Variants in MYSM1 observed in about 807,000 individuals in gnomAD.
MYSM1 encodes deubiquitinase MYSM1.
A neutral mutation model predicts 116.0 loss-of-function variants in MYSM1; 51 were observed. That is an observed-to-expected ratio of 0.44 (90% CI 0.35 to 0.56). The LOEUF (loss-of-function observed/expected upper bound fraction) is 0.56, where lower values mean the gene tolerates loss of function less well. Among genes scored for constraint, MYSM1 ranks in the 20% least tolerant of loss-of-function variants. The pLI is 0.00. For synonymous variants in MYSM1, 313 were observed against 315.2 expected (o/e 0.99, Z 0.07); for missense variants, 900 against 974.9 (o/e 0.92, Z 1.02).
chr1:58,696,250 C>T (rs539438507), intron 1 of MYSM1, among the ~76,000 whole-genome samples: 1 of 152,300 alleles, frequency 6.6e-6, no homozygotes, highest in South Asian at 2.1e-4. Flanking sequence ...GCCAAGAGTT[C>T]AGAAAATAGA....
At chr1:58,683,814 A>G (rs1644783919) in intron 7 of MYSM1, among the ~76,000 whole-genome samples, 2 of 152,136 alleles carry the variant, frequency 1.3e-5, no homozygotes, top group African/African-American at 2.4e-5. Context: ...AACAGCTTTT[A>G]ACATCCCTGC....
intron 7 of MYSM1, 87 bp downstream of exon 7, chr1:58,685,066 A>T: frequency 9.2e-7 from 1 of 1,081,790 alleles, no homozygotes; most frequent in Non-Finnish European, 1.3e-6. Flanking sequence ...TACCAGTAAG[A>T]CTTTAATGCC....
intron 1 of MYSM1, among the ~76,000 whole-genome samples, chr1:58,696,184 A>G (rs150087108): frequency 1.1e-4 from 16 of 152,326 alleles, no homozygotes; most frequent in African/African-American, 3.8e-4. Context: ...AGGGTAAATA[A>G]AGGATTCTGA....
chr1:58,693,590 T>A (rs1048450724), intron 2 of MYSM1, among the ~76,000 whole-genome samples: 2 of 152,198 alleles, frequency 1.3e-5, no homozygotes, highest in Non-Finnish European at 2.9e-5. Flanking sequence ...TCTTTCCTTT[T>A]CCTTTGATGC....
In MYSM1 at chr1:58,657,787, C is replaced by T. The variant is rs1417962588; in HGVS notation, c.*2210G>A. 6.6e-6 allele frequency: 1 copy of T among 151,988 alleles called. No homozygotes were observed. Among genetic ancestry groups the T allele is most frequent in the African/African-American group, 2.4e-5 (1 of 41,374 alleles). 9.4% of individuals were successfully genotyped at this position (151,988 alleles called of 1,614,324 possible). The stretch of plus-strand genomic sequence containing the variant: ...TATTTTGAAAACTGTGCTCTCAAGG[C>T]CCCAAACTCTTGACAAGTATCATCC... On this transcript the variant is annotated 3_prime_UTR_variant, in exon 20 of 20. Transcript: ENST00000472487.
intron 16 of MYSM1, among the ~76,000 whole-genome samples, chr1:58,666,537 G>A (rs1437547588): frequency 6.9e-6 from 1 of 144,608 alleles, no homozygotes; most frequent in Admixed American, 6.9e-5. Flanking sequence ...AAAAAAAAAT[G>A]CATGTTCTTT....
At chr1:58,685,047 A>C (rs1279980357) in intron 7 of MYSM1, 106 bp downstream of exon 7, 1 of 889,166 alleles carries the variant, frequency 1.1e-6, no homozygotes, top group African/African-American at 1.7e-5. Flanking sequence ...AAAATACTTT[A>C]AAAACTTTTA....
chr1:58,692,969 T>C, intron 2 of MYSM1, 38 bp from the exon 3 acceptor site: 1 of 1,493,524 alleles, frequency 6.7e-7, no homozygotes, highest in East Asian at 2.3e-5. Context: ...TTTTATTTAT[T>C]GCTTTTTGAA....
Position 58,690,465 on chromosome 1 carries a change from A to T in MYSM1, c.219-48T>A, listed in dbSNP as rs182440604. The stretch of plus-strand genomic sequence containing the variant: ...TTTTAAACAATATTACAGTCATGTA[A>T]TTTTTACATTACTTATACAAAACGT... On this transcript the variant is annotated intron_variant, in intron 3 of 19. Transcript: ENST00000472487. 1.5e-3 allele frequency: 1,983 copies of T among 1,286,638 alleles called. 52 individuals carry two copies. In the Admixed American group the frequency reaches 0.041, roughly 27 times the overall value. The allele number at this position is 1,286,638 out of a possible 1,614,324, so 79.7% of individuals were successfully genotyped here.
In MYSM1 at chr1:58,665,511, C is replaced by T. The variant is rs1317853949; in HGVS notation, c.2152G>A (p.Asp718Asn). Residue 718 changes from aspartate (D) to asparagine (N), a missense_variant, in exon 17 of 20, where the codon GAT becomes AAT. Transcript: ENST00000472487. Reference protein sequence around the residue: ...CLVISEEISPDGSYRLPYKFE... With the variant: ...CLVISEEISPNGSYRLPYKFE... ...GTTGAAAACTTACGATAAGAGCCATCTGGGCTAATTTCCTCACTTATAACC... is the reference window on the plus strand; with the variant it reads ...GTTGAAAACTTACGATAAGAGCCATTTGGGCTAATTTCCTCACTTATAACC... 5 of 1,597,462 alleles carry T rather than the reference C, an allele frequency of 3.1e-6. No individual in the cohort carries two copies. The highest frequency in any genetic ancestry group is 4.3e-6 in the Non-Finnish European group (5 of 1,172,168).
chr1:58,665,877 T>C (rs1381961156), intron 16 of MYSM1, among the ~76,000 whole-genome samples: 2 of 152,086 alleles, frequency 1.3e-5, no homozygotes, highest in African/African-American at 4.8e-5. Context: ...GCCAACATGG[T>C]GAAACCCCGT....
In MYSM1 at chr1:58,685,207, T is replaced by G. The variant is rs1644809737; in HGVS notation, c.444A>C (p.Gly148=). ...RRWTKISKLI[G]SRTVLQVKSY... ...TCTTCACTTGTAAAACAGTGCGGCT[T>G]CCAATTAGCTTTGAAATTTTGGTCC... The change falls in exon 7 of 20, where the codon GGA becomes GGC. Residue 148 remains glycine (G), a synonymous_variant. Transcript: ENST00000472487. 1 of 1,608,814 alleles carries G rather than the reference T, an allele frequency of 6.2e-7. No individual in the cohort carries two copies. The highest frequency in any genetic ancestry group is 8.5e-7 in the Non-Finnish European group (1 of 1,178,418).
intron 17 of MYSM1, among the ~76,000 whole-genome samples, chr1:58,665,060 G>A (rs2100595890): frequency 6.6e-6 from 1 of 152,294 alleles, no homozygotes; most frequent in Non-Finnish European, 1.5e-5. Flanking sequence ...AACAAAGAGA[G>A]ATACAAATTG....
intron 10 of MYSM1, among the ~76,000 whole-genome samples, chr1:58,674,348 AGTTG>A (rs1644611258): frequency 6.6e-6 from 1 of 152,188 alleles, no homozygotes; most frequent in African/African-American, 2.4e-5. Context: ...GAAATTACAA[AGTTG>A]GTTGACTACA....
rs919690917 is a variant in MYSM1 at position 58,666,078 on chromosome 1, T to A, written c.2032-447A>T. 9.2e-5 allele frequency among the ~76,000 whole-genome samples: 14 copies of A among 151,750 alleles called. No homozygotes were observed. The South Asian group carries it at 2.9e-3, about 32-fold the overall frequency. ...TCTCTAAAAAAAAAAAAAGTTCACA[T>A]CCAAACTGCAACTAAATCAAATGCC... On this transcript the variant is annotated intron_variant, in intron 16 of 19. Transcript: ENST00000472487.
At position 58,661,558 on chromosome 1, in the gene MYSM1, C is replaced by T. The variant is rs555616124; in HGVS notation, c.2165-47G>A. ...CATTGTCATCAACTATTTCTTAACT[C>T]TCCAATCTCCTTTTAATTATACTTA... On this transcript the variant is annotated intron_variant, in intron 17 of 19. Coordinates refer to ENST00000472487, the MANE Select transcript of MYSM1 (RefSeq NM_001085487.3). 6.8e-6 allele frequency: 7 copies of T among 1,035,306 alleles called. No individual in the cohort carries two copies. The Admixed American group carries it at 1.0e-4, about 15-fold the overall frequency. 64.1% of individuals were successfully genotyped at this position (1,035,306 alleles called of 1,614,324 possible).
Position 58,655,773 on chromosome 1 carries a change from T to A in MYSM1, c.*4224A>T, listed in dbSNP as rs1644312178. The A allele has an allele frequency of 6.6e-6, 1 of 152,188 alleles. No individual in the cohort carries two copies. Among genetic ancestry groups the A allele is most frequent in the South Asian group, 2.1e-4 (1 of 4,828 alleles). 9.4% of individuals were successfully genotyped at this position (152,188 alleles called of 1,614,324 possible). A position where few individuals can be genotyped will look rare whatever the true frequency, so the allele number is the denominator to read the frequency against. Reference sequence around the variant, plus strand: ...AGTACTGGTAAACTAGAGATGCTGATCAAATTTGTTAAATTATTTATTTAC... The same window carrying A: ...AGTACTGGTAAACTAGAGATGCTGAACAAATTTGTTAAATTATTTATTTAC... On this transcript the variant is annotated 3_prime_UTR_variant, in exon 20 of 20. Transcript: ENST00000472487.
chr1:58,693,165 GTC>G (rs2100679628), intron 2 of MYSM1, among the ~76,000 whole-genome samples: 1 of 152,238 alleles, frequency 6.6e-6, no homozygotes, highest in Non-Finnish European at 1.5e-5. Flanking sequence ...TTACACCTGA[GTC>G]TGTTGGATTC....
At chr1:58,678,406 A>G (rs986458835) in intron 8 of MYSM1, among the ~76,000 whole-genome samples, 18 of 152,356 alleles carry the variant, frequency 1.2e-4, no homozygotes, top group African/African-American at 4.1e-4. Flanking sequence ...TACTCAAAGT[A>G]AAAGGCTTTA....
Sources: allele counts gnomAD v4.1 joint callset (sites outside exome capture counted in the v4.1 genomes callset), GRCh38; gene constraint gnomAD v4.1.1; transcripts MANE v1.5; gene names NCBI Gene and HGNC (gene_info 2026-07-23, HGNC 2026-07-21).